Variants in TAF5L observed in about 807,000 individuals in gnomAD.
TAF5L encodes TATA-box binding protein associated factor 5 like.
In TAF5L, 7 loss-of-function variants were observed where a neutral mutation model predicts 51.3. The observed-to-expected ratio is 0.14, with a 90% confidence interval of 0.08 to 0.26. The LOEUF (loss-of-function observed/expected upper bound fraction) is 0.26. Ranked by LOEUF, TAF5L falls within the 10% of genes least tolerant of loss-of-function variation. The pLI is 1.00. For synonymous variants in TAF5L, 291 were observed against 308.1 expected (o/e 0.94, Z 0.58); for missense variants, 575 against 758.9 (o/e 0.76, Z 2.85).
At chr1:229,601,563 T>C (rs919622833) in intron 4 of TAF5L, 55 of 985,760 alleles carry the variant, frequency 5.6e-5, no homozygotes, top group Admixed American at 1.8e-4. Flanking sequence ...CCAAACAAGA[T>C]TGAACACTGA....
Position 229,600,358 on chromosome 1 carries a change from C to G in TAF5L, c.972+1837G>C, listed in dbSNP as rs1254063710. The G allele has an allele frequency of 5.1e-6, 5 of 985,260 alleles. No homozygotes were observed. The African/African-American group carries it at 7.0e-5, about 14-fold the overall frequency. The allele number at this position is 985,260 out of a possible 1,614,324, so 61.0% of individuals were successfully genotyped here. A position where few individuals can be genotyped will look rare whatever the true frequency, so the allele number is the denominator to read the frequency against. On this transcript the variant is annotated intron_variant, in intron 4 of 4. Transcript: ENST00000258281. Reference sequence around the variant, plus strand: ...AAAAAGGGCAGAGGTTAGCTAGCATCTACAGTACTTTCAGTATGAACCATG... The same window carrying G: ...AAAAAGGGCAGAGGTTAGCTAGCATGTACAGTACTTTCAGTATGAACCATG...
chr1:229,610,159 G>C (rs1664736274), exon 3 of TAF5L: 4 of 1,614,064 alleles, frequency 2.5e-6, no homozygotes, highest in Non-Finnish European at 3.4e-6. Context: ...CTGGGGTTCT[G>C]CCTGGCAAGG....
intron 1 of TAF5L, among the ~76,000 whole-genome samples, chr1:229,616,749 T>C (rs971676915): frequency 6.6e-6 from 1 of 152,176 alleles, no homozygotes. Context: ...GAGCAAACTG[T>C]GAAGGCTAGA....
At chr1:229,619,704 C>G (rs542624120) in intron 1 of TAF5L, among the ~76,000 whole-genome samples, 1 of 152,128 alleles carries the variant, frequency 6.6e-6, no homozygotes, top group African/African-American at 2.4e-5. Context: ...ACTTGGGATT[C>G]CTTAACTTTT....
Position 229,602,973 on chromosome 1 carries a change from G to A in TAF5L, c.248-54C>T, listed in dbSNP as rs1025191922. 12 of 1,518,876 alleles carry A rather than the reference G, an allele frequency of 7.9e-6. No homozygotes were observed. The South Asian group carries it at 9.2e-5, about 12-fold the overall frequency. 94.1% of individuals were successfully genotyped at this position (1,518,876 alleles called of 1,614,324 possible). On this transcript the variant is annotated intron_variant, in intron 3 of 4. Coordinates refer to ENST00000258281, the Ensembl canonical transcript of TAF5L. This position sits in a 1 kb window ranked among gnomAD's most constrained non-coding sequence, Gnocchi z 4.6. ...AATCAGCATAATCTTACAGAATAAC[G>A]TGATCCCTCCTGGGGATCACCACCA... is the stretch of plus-strand genomic sequence containing the variant.
In TAF5L at chr1:229,594,551, A is replaced by G. The variant is rs1185435045; in HGVS notation, c.1516T>C (p.Leu506=). 1.9e-6 allele frequency: 3 copies of G among 1,613,816 alleles called. No homozygotes were observed. The highest frequency in any genetic ancestry group is 2.5e-6 in the Non-Finnish European group (3 of 1,179,982). ...GTGATATTGTCTGTGTGGCCTCTCAACTCTTTATAAAGGGTCCCAGAGGCC... is the reference window on the plus strand; with the variant it reads ...GTGATATTGTCTGTGTGGCCTCTCAGCTCTTTATAAAGGGTCCCAGAGGCC... Residue 506 remains leucine, a synonymous_variant, in exon 5 of 5, where the codon TTG becomes CTG. Transcript: ENST00000258281. The surrounding 1 kb of genome is among the most constrained non-coding windows in gnomAD (Gnocchi z 7.9).
chr1:229,606,143 A>C (rs1664589013), intron 3 of TAF5L: 1 of 985,412 alleles, frequency 1.0e-6, no homozygotes, highest in South Asian at 4.7e-5. Context: ...GCTTCAGCTC[A>C]TAGGTTCAAA....
intron 2 of TAF5L, 174 bp downstream of exon 2, chr1:229,614,167 T>C (rs781020912): frequency 6.2e-5 from 63 of 1,023,244 alleles, no homozygotes; most frequent in Admixed American, 1.2e-4. Flanking sequence ...CCGCTCTAAA[T>C]GACAGACAGG....
chr1:229,602,993 C>T lies in TAF5L; in HGVS notation c.248-74G>A. 2 of 1,488,078 alleles carry T rather than the reference C, an allele frequency of 1.3e-6. No homozygotes were observed. Among genetic ancestry groups the T allele is most frequent in the Non-Finnish European group, 1.8e-6 (2 of 1,129,080 alleles). 92.2% of individuals were successfully genotyped at this position (1,488,078 alleles called of 1,614,324 possible). ...ATAACGTGATCCCTCCTGGGGATCA[C>T]CACCATCATATAATGCTTTCTTGCC... is the stretch of plus-strand genomic sequence containing the variant. On this transcript the variant is annotated intron_variant, in intron 3 of 4. Transcript: ENST00000258281. This position sits in a 1 kb window ranked among gnomAD's most constrained non-coding sequence, Gnocchi z 4.6.
At chr1:229,606,131 T>C (rs1664588688) in intron 3 of TAF5L, 1 of 985,284 alleles carries the variant, frequency 1.0e-6, no homozygotes, top group African/African-American at 1.7e-5. Flanking sequence ...AAATTCACTG[T>C]TGCTTCAGCT....
chr1:229,602,275 G>C lies in TAF5L; in HGVS notation c.892C>G (p.Arg298Gly). ...GGCTCTGATTTTAACTTCTTGGATC[G>C]TAAACTCCAAAGTTTTATACAGGAG... Residue 298 changes from arginine (R) to glycine (G), a missense_variant, in exon 4 of 5, where the codon CGA becomes GGA. By Grantham distance (125) the Arg-to-Gly change is moderately radical (BLOSUM62 -2). This residue lies in a region of TAF5L where 380 missense variants were observed against 443.7 expected (regional missense o/e 0.86). Coordinates refer to ENST00000258281, the Ensembl canonical transcript of TAF5L. The surrounding 1 kb of genome is among the most constrained non-coding windows in gnomAD (Gnocchi z 4.6). The C allele has an allele frequency of 1.1e-5, 17 of 1,614,126 alleles. No homozygotes were observed. The highest frequency in any genetic ancestry group is 1.4e-5 in the Non-Finnish European group (17 of 1,180,028).
At chr1:229,597,546 C>T (rs753153458) in intron 4 of TAF5L, among the ~76,000 whole-genome samples, 2 of 152,230 alleles carry the variant, frequency 1.3e-5, no homozygotes, top group African/African-American at 2.4e-5. Flanking sequence ...CAGTCCCACA[C>T]GGGCCTCAGC....
chr1:229,619,303 T>C (rs1483432577), intron 1 of TAF5L, among the ~76,000 whole-genome samples: 1 of 152,204 alleles, frequency 6.6e-6, no homozygotes, highest in East Asian at 1.9e-4. Flanking sequence ...CCTCATATAA[T>C]TTAAAAATTA....
intron 4 of TAF5L, among the ~76,000 whole-genome samples, chr1:229,596,917 G>A (rs768630381): frequency 6.6e-6 from 1 of 152,048 alleles, no homozygotes; most frequent in African/African-American, 2.4e-5. Flanking sequence ...TAAAATGAAT[G>A]CCTCCCATGT....
intron 4 of TAF5L, chr1:229,599,145 G>A (rs1664265247): frequency 2.3e-5 from 14 of 599,762 alleles, no homozygotes; most frequent in Non-Finnish European, 2.9e-5. Flanking sequence ...CTTTCCAAAG[G>A]TTAACCTAGA....
At chr1:229,600,048 ATTTTT>A in intron 4 of TAF5L, 1 of 977,846 alleles carries the variant, frequency 1.0e-6, no homozygotes, top group Non-Finnish European at 1.2e-6. Flanking sequence ...TCTCTATTTT[ATTTTT>A]TTTAATATTC....
chr1:229,605,108 G>GTATATATA (rs3085931), intron 3 of TAF5L, among the ~76,000 whole-genome samples: 36 of 118,674 alleles, frequency 3.0e-4, no homozygotes, highest in African/African-American at 8.8e-4. Flanking sequence ...ATTTTTGTAT[G>GTATATATA]TATATATATA....
chr1:229,602,708 G>C lies in TAF5L; in HGVS notation c.459C>G (p.Phe153Leu). Reference sequence around the variant, plus strand: ...TGTTATCTAGGAATGCTCGAAGCTTGAAGTTAGATAGGATGTCCTGGATGG... The same window carrying C: ...TGTTATCTAGGAATGCTCGAAGCTTCAAGTTAGATAGGATGTCCTGGATGG... The change falls in exon 4 of 5, where the codon TTC becomes TTG. Residue 153 changes from phenylalanine (F) to leucine (L), a missense_variant. This residue lies in a region of TAF5L where 380 missense variants were observed against 443.7 expected (regional missense o/e 0.86). Transcript: ENST00000258281. The surrounding 1 kb of genome is among the most constrained non-coding windows in gnomAD (Gnocchi z 4.6). 6.2e-7 allele frequency: 1 copy of C among 1,614,186 alleles called. No individual in the cohort carries two copies. Among genetic ancestry groups the C allele is most frequent in the Non-Finnish European group, 8.5e-7 (1 of 1,180,038 alleles).
intron 4 of TAF5L, 89 bp from the exon 5 acceptor site, chr1:229,595,183 A>T (rs1297886228): frequency 7.3e-7 from 1 of 1,379,016 alleles, no homozygotes; most frequent in African/African-American, 1.4e-5. Context: ...GAGAAAAAAA[A>T]GTAGAGAACT....
Sources: allele counts gnomAD v4.1 joint callset (sites outside exome capture counted in the v4.1 genomes callset), GRCh38; gene constraint gnomAD v4.1.1; regional missense constraint gnomAD v4.1.1; non-coding constraint Gnocchi (gnomAD v3.1); transcripts MANE v1.5; gene names NCBI Gene and HGNC (gene_info 2026-07-23, HGNC 2026-07-21).